BANP: variants seen among roughly 807,000 people sequenced by gnomAD.
The protein encoded by BANP is BTG3 associated nuclear protein.
BANP carries 11 observed loss-of-function variants against 68.1 expected under a neutral mutation model. The ratio of observed to expected loss-of-function variants is 0.16; its 90% CI spans 0.10 to 0.27. The LOEUF (loss-of-function observed/expected upper bound fraction) is 0.27. Ranked by LOEUF, BANP falls within the 10% of genes least tolerant of loss-of-function variation. The pLI is 1.00. For missense variants in BANP, 504 were observed against 722.7 expected, an observed-to-expected ratio of 0.70 and a Z score of 3.47; for synonymous variants, 329 against 303.2, an observed-to-expected ratio of 1.09 and a Z score of -0.88.
chr16:87,985,989 C>T (rs1345666762), intron 4 of BANP, among the ~76,000 whole-genome samples: 4 of 152,214 alleles, frequency 2.6e-5, no homozygotes, highest in Admixed American at 1.3e-4. Flanking sequence ...GTTTTCCACT[C>T]ATGAAGCTCT....
intron 1 of BANP, among the ~76,000 whole-genome samples, chr16:87,962,361 T>A (rs1006223764): frequency 6.6e-6 from 1 of 152,152 alleles, no homozygotes; most frequent in African/African-American, 2.4e-5. Flanking sequence ...TGTGTTAATT[T>A]GTATGATTTT....
chr16:88,027,124 G>T (rs1413848638), intron 7 of BANP, among the ~76,000 whole-genome samples: 2 of 152,258 alleles, frequency 1.3e-5, no homozygotes, highest in Non-Finnish European at 2.9e-5. Context: ...GGGTGCTGCT[G>T]TGAGCTCAGG....
rs749718977 is a variant in BANP at position 87,975,069 on chromosome 16, T to C, written c.-47T>C. 30 of 1,563,866 alleles carry C rather than the reference T, an allele frequency of 1.9e-5. No individual in the cohort carries two copies. The South Asian group carries it at 3.2e-4, about 17-fold the overall frequency. On this transcript the variant is annotated 5_prime_UTR_variant, in exon 2 of 14. Transcript: ENST00000682872. ...GTAGGTGACCAAAAGCCAGCCCCAC[T>C]GTGAGTTGAACTCTTTCGTGTTGAC...
intron 2 of BANP, chr16:87,978,547 T>G (rs1354467077): frequency 2.2e-6 from 1 of 460,738 alleles, no homozygotes; most frequent in Admixed American, 2.4e-5. Flanking sequence ...AAAAGTTTCA[T>G]TAAGTGAGAA....
chr16:87,978,278 G>C (rs1364413652), intron 2 of BANP, among the ~76,000 whole-genome samples: 1 of 152,234 alleles, frequency 6.6e-6, no homozygotes, highest in Admixed American at 6.5e-5. Flanking sequence ...CCCACTACCT[G>C]TGGAGTCATT....
At chr16:88,029,454 C>T (rs145811658) in intron 8 of BANP, among the ~76,000 whole-genome samples, 1,873 of 150,600 alleles carry the variant, frequency 0.012, 37 homozygotes, top group African/African-American at 0.043. Context: ...CTAAAAGTGT[C>T]AAAAAAATTA....
intron 2 of BANP, among the ~76,000 whole-genome samples, chr16:87,976,129 C>G (rs2062073404): frequency 6.6e-6 from 1 of 152,236 alleles, no homozygotes; most frequent in Non-Finnish European, 1.5e-5. Flanking sequence ...CTGATTTTTC[C>G]TTTATACACA....
chr16:88,076,805 C>G lies in BANP; in HGVS notation c.*144C>G, dbSNP rs1429797320. On this transcript the variant is annotated 3_prime_UTR_variant, in exon 14 of 14. Transcript: ENST00000682872. Reference sequence around the variant, plus strand: ...TGAAGGCCGCTGCCTCCGCGGGGAACAGCATCCTATCAACTGAAAGAGCAG... The same window carrying G: ...TGAAGGCCGCTGCCTCCGCGGGGAAGAGCATCCTATCAACTGAAAGAGCAG... 1.0e-5 allele frequency: 7 copies of G among 670,462 alleles called. No homozygotes were observed. The highest frequency in any genetic ancestry group is 1.5e-5 in the Non-Finnish European group (6 of 407,664). 41.5% of individuals were successfully genotyped at this position (670,462 alleles called of 1,614,324 possible). A position where few individuals can be genotyped will look rare whatever the true frequency, so the allele number is the denominator to read the frequency against.
intron 2 of BANP, chr16:87,978,634 C>T (rs72816390): frequency 8.1e-4 from 379 of 470,164 alleles, no homozygotes; most frequent in Non-Finnish European, 1.4e-3. Flanking sequence ...AAGGCATAGC[C>T]GTGTGCTGTA....
intron 9 of BANP, among the ~76,000 whole-genome samples, chr16:88,034,298 C>T (rs934313151): frequency 3.9e-5 from 6 of 152,202 alleles, no homozygotes; most frequent in South Asian, 2.1e-4. Flanking sequence ...TCTTTGAAAG[C>T]GTTCCAGAGT....
At chr16:87,982,452 G>T (rs557170728) in intron 3 of BANP, among the ~76,000 whole-genome samples, 43 of 152,342 alleles carry the variant, frequency 2.8e-4, no homozygotes, top group Middle Eastern at 3.4e-3. Context: ...TTCTCCGGTT[G>T]TTGAAAATAG....
intron 11 of BANP, among the ~76,000 whole-genome samples, chr16:88,046,736 CG>C (rs930957569): frequency 1.3e-5 from 2 of 151,766 alleles, no homozygotes; most frequent in African/African-American, 4.8e-5. Flanking sequence ...TTAGTAGACA[CG>C]GGGTTTCACC....
At chr16:88,052,241 C>T (rs7405014) in intron 11 of BANP, among the ~76,000 whole-genome samples, 1 of 152,042 alleles carries the variant, frequency 6.6e-6, no homozygotes. Context: ...GGCATATCCA[C>T]GTCATCCTTA....
At chr16:87,954,310 C>T (rs1051463516) in intron 1 of BANP, among the ~76,000 whole-genome samples, 1 of 152,198 alleles carries the variant, frequency 6.6e-6, no homozygotes, top group Non-Finnish European at 1.5e-5. Flanking sequence ...AGTGCCTCAT[C>T]TCCATGACTC....
chr16:87,996,381 C>T (rs989181921), intron 4 of BANP, among the ~76,000 whole-genome samples: 1 of 152,224 alleles, frequency 6.6e-6, no homozygotes, highest in African/African-American at 2.4e-5. Flanking sequence ...TTCTGCTGCT[C>T]TGAAGTGCCG....
intron 13 of BANP, among the ~76,000 whole-genome samples, chr16:88,072,809 G>A (rs1328536591): frequency 6.6e-6 from 1 of 152,226 alleles, no homozygotes. Context: ...ACTGGAGGCA[G>A]AAGGTGGCCC....
chr16:87,981,225 C>A, intron 3 of BANP, 98 bp downstream of exon 3: 1 of 912,824 alleles, frequency 1.1e-6, no homozygotes, highest in Non-Finnish European at 1.8e-6. Flanking sequence ...AAAATGTAGC[C>A]TCTCAGCTGT....
chr16:88,055,573 A>G (rs1446607394), intron 11 of BANP, among the ~76,000 whole-genome samples: 1 of 152,194 alleles, frequency 6.6e-6, no homozygotes, highest in Non-Finnish European at 1.5e-5. Context: ...AGCTGGGAAA[A>G]AGATTAGAAG....
chr16:87,953,559 G>A (rs757580138), intron 1 of BANP, among the ~76,000 whole-genome samples: 8 of 152,156 alleles, frequency 5.3e-5, no homozygotes, highest in Admixed American at 2.0e-4. Context: ...GGGTGATGGA[G>A]CCCTTCTGTC....
Sources: gnomAD v4.1 joint callset for allele counts (sites outside exome capture counted in the v4.1 genomes callset) on GRCh38, gnomAD v4.1.1 for gene constraint, MANE v1.5 for transcripts, NCBI Gene and HGNC (gene_info 2026-07-23, HGNC 2026-07-21) for gene names.